EFHB: variants seen among roughly 807,000 people sequenced by gnomAD.
The protein encoded by EFHB is EF-hand domain-containing family member B.
In EFHB, 91 loss-of-function variants were observed where a neutral mutation model predicts 87.2. The ratio of observed to expected loss-of-function variants is 1.04; its 90% CI spans 0.88 to 1.24. EFHB has a LOEUF of 1.24. EFHB is among the 50% of genes most tolerant of loss of function. EFHB has a pLI of 0.00. For missense variants in EFHB, 1,084 were observed against 998.8 expected (o/e 1.09, Z -1.15); for synonymous variants, 325 against 333.6 (o/e 0.97, Z 0.28).
At chr3:19,900,321 C>T (rs1694629321) in intron 6 of EFHB, among the ~76,000 whole-genome samples, 1 of 151,952 alleles carries the variant, frequency 6.6e-6, no homozygotes, top group Non-Finnish European at 1.5e-5. Flanking sequence ...AAACAAATAA[C>T]TCACATCTAG....
At chr3:19,937,985 C>A (rs1696061682), upstream of EFHB, among the ~76,000 whole-genome samples, 1 of 152,144 alleles carries the variant, frequency 6.6e-6, no homozygotes, top group African/African-American at 2.4e-5. Flanking sequence ...TATGCTTTGA[C>A]CCAAAAAGAC....
intron 1 of EFHB, among the ~76,000 whole-genome samples, chr3:19,927,474 T>C (rs947932193): frequency 6.6e-6 from 1 of 152,312 alleles, no homozygotes; most frequent in Non-Finnish European, 1.5e-5. Flanking sequence ...AGAACTTGCC[T>C]GATGGGTCTC....
At chr3:19,921,585 TG>T (rs755448715) in intron 1 of EFHB, among the ~76,000 whole-genome samples, 1 of 151,818 alleles carries the variant, frequency 6.6e-6, no homozygotes, top group Non-Finnish European at 1.5e-5. Flanking sequence ...GGTGAGAGGC[TG>T]GGGGGGCCAA....
chr3:19,924,555 T>A (rs1401993764), intron 1 of EFHB, among the ~76,000 whole-genome samples: 1 of 152,220 alleles, frequency 6.6e-6, no homozygotes, highest in Non-Finnish European at 1.5e-5. Flanking sequence ...TACATCCCTA[T>A]GTACTCGTGG....
chr3:19,897,198 G>T (rs997424892), intron 8 of EFHB, among the ~76,000 whole-genome samples: 5 of 152,218 alleles, frequency 3.3e-5, no homozygotes, highest in Non-Finnish European at 5.9e-5. Context: ...CTGAAAGCTA[G>T]GGCTGATTCC....
upstream of EFHB, among the ~76,000 whole-genome samples, chr3:19,935,032 T>G (rs943221233): frequency 6.6e-6 from 1 of 152,092 alleles, no homozygotes; most frequent in African/African-American, 2.4e-5. Flanking sequence ...TGCCTCAGCC[T>G]TCCGGGTAGC....
At position 19,934,087 on chromosome 3, in the gene EFHB, C is replaced by A. The variant is rs893027442; in HGVS notation, c.-69G>T. 6.6e-7 allele frequency: 1 copy of A among 1,508,852 alleles called. No homozygotes were observed. Among genetic ancestry groups the A allele is most frequent in the Non-Finnish European group, 8.8e-7 (1 of 1,131,638 alleles). The allele number at this position is 1,508,852 out of a possible 1,614,324, so 93.5% of individuals were successfully genotyped here. A position where few individuals can be genotyped will look rare whatever the true frequency, so the allele number is the denominator to read the frequency against. On this transcript the variant is annotated 5_prime_UTR_variant, in exon 1 of 13. Transcript: ENST00000295824. ...CTAAGGGGAAAGCTGTACCTGGCTACAAAGACGCCTCCAATCCCTTGCGGA... is the reference window on the plus strand; with the variant it reads ...CTAAGGGGAAAGCTGTACCTGGCTAAAAAGACGCCTCCAATCCCTTGCGGA...
intron 5 of EFHB, among the ~76,000 whole-genome samples, chr3:19,908,571 AGAG>A (rs1559459486): frequency 1.5e-4 from 13 of 86,920 alleles, no homozygotes; most frequent in African/African-American, 5.2e-4. Flanking sequence ...AAAGAGAGAG[AGAG>A]AGAGAGAGAG....
In EFHB at chr3:19,933,383, C is replaced by T; in HGVS notation, c.636G>A (p.Met212Ile). 1 of 1,613,968 alleles carries T rather than the reference C, an allele frequency of 6.2e-7. No homozygotes were observed. Among genetic ancestry groups the T allele is most frequent in the South Asian group, 1.1e-5 (1 of 91,088 alleles). ...ATTGGGGAGGTTCTATCACCAAGCC[C>T]ATTTGGGGCTCTGTATTCTTAGTCT... ...PDETKNTEPQ[M>I]GLVIEPPQCQ... is the part of the protein sequence containing the mutation. The change falls in exon 1 of 13, where the codon ATG becomes ATA. Residue 212 changes from methionine to isoleucine, a missense_variant. Physicochemically the swap from Met to Ile is conservative, Grantham distance 10 (BLOSUM62 1). Coordinates refer to ENST00000295824, the MANE Select transcript of EFHB (RefSeq NM_144715.4).
intron 1 of EFHB, among the ~76,000 whole-genome samples, chr3:19,929,478 G>T (rs1195470948): frequency 1.3e-5 from 2 of 151,794 alleles, no homozygotes; most frequent in African/African-American, 2.4e-5. Flanking sequence ...GGCTGAGGTG[G>T]GTGTATCACG....
intron 1 of EFHB, among the ~76,000 whole-genome samples, chr3:19,921,541 G>A (rs1016619125): frequency 3.9e-5 from 6 of 152,126 alleles, no homozygotes; most frequent in South Asian, 2.1e-4. Flanking sequence ...CAAATAAATT[G>A]AGAAAGTGTG....
chr3:19,915,197 T>C (rs1425152762), intron 5 of EFHB, 106 bp downstream of exon 5: 8 of 664,152 alleles, frequency 1.2e-5, no homozygotes, highest in Admixed American at 8.6e-5. Flanking sequence ...ATTAGTTACC[T>C]ATTACATGGC....
chr3:19,894,168 A>G (rs1694396241), intron 9 of EFHB, among the ~76,000 whole-genome samples: 1 of 152,230 alleles, frequency 6.6e-6, no homozygotes, highest in African/African-American at 2.4e-5. Flanking sequence ...GTGTTGTGTT[A>G]CATATGTTCA....
Position 19,933,116 on chromosome 3 carries a change from T to G in EFHB, c.789+114A>C, listed in dbSNP as rs1575050776. On this transcript the variant is annotated intron_variant, in intron 1 of 12. Coordinates refer to ENST00000295824, the MANE Select transcript of EFHB (RefSeq NM_144715.4). Reference sequence around the variant, plus strand: ...TGGGGCAAGAAATATAGGAATCTCATAAAATCCTTGTGATTTGTCTCTTCA... The same window carrying G: ...TGGGGCAAGAAATATAGGAATCTCAGAAAATCCTTGTGATTTGTCTCTTCA... 5 of 1,304,630 alleles carry G rather than the reference T, an allele frequency of 3.8e-6. No individual in the cohort carries two copies. The East Asian group carries it at 1.3e-4, about 33-fold the overall frequency. 80.8% of individuals were successfully genotyped at this position (1,304,630 alleles called of 1,614,324 possible). A position where few individuals can be genotyped will look rare whatever the true frequency, so the allele number is the denominator to read the frequency against.
chr3:19,888,642 C>T lies in EFHB; in HGVS notation c.1735G>A (p.Gly579Arg), dbSNP rs1175599958. The change falls in exon 10 of 13, where the codon GGG becomes AGG. Residue 579 changes from glycine to arginine, a missense_variant. By Grantham distance (125) the Gly-to-Arg change is moderately radical. Transcript: ENST00000295824. The part of the protein sequence containing the change: ...AFRHYDKKGD[G>R]MIDKDELQEA... ...TGCAGCTCGTCTTTATCTATCATCC[C>T]ATCTCCCTTCTGTTATACAGGAAGC... 1.2e-6 allele frequency: 2 copies of T among 1,603,944 alleles called. No individual in the cohort carries two copies. The highest frequency in any genetic ancestry group is 1.7e-5 in the Admixed American group (1 of 58,870).
At chr3:19,936,170 G>T (rs1696014167), upstream of EFHB, 1 of 1,334,282 alleles carries the variant, frequency 7.5e-7, no homozygotes, top group Non-Finnish European at 1.0e-6. Context: ...GGAAGCCAAG[G>T]CAGAAGAATT....
upstream of EFHB, among the ~76,000 whole-genome samples, chr3:19,936,589 C>T (rs1357842260): frequency 6.6e-6 from 1 of 151,930 alleles, no homozygotes; most frequent in African/African-American, 2.4e-5. Context: ...AAAATAAGGC[C>T]AGGCGCAGTG....
Position 19,884,632 on chromosome 3 carries a change from T to A in EFHB, c.1934-17A>T, listed in dbSNP as rs1348463194. On this transcript the variant is annotated splice_polypyrimidine_tract_variant and intron_variant, in intron 10 of 12. Transcript: ENST00000295824. Reference sequence around the variant, plus strand: ...GTTTTCTACCTTTAAGGAAAATAAATGAAAGAAAAAATGCAGGAATACATT... The same window carrying A: ...GTTTTCTACCTTTAAGGAAAATAAAAGAAAGAAAAAATGCAGGAATACATT... 9 of 1,604,376 alleles carry A rather than the reference T, an allele frequency of 5.6e-6. No homozygotes were observed. The Admixed American group carries it at 1.0e-4, about 19-fold the overall frequency.
intron 1 of EFHB, among the ~76,000 whole-genome samples, chr3:19,943,611 T>C (rs183931477): frequency 2.0e-5 from 3 of 152,320 alleles, no homozygotes; most frequent in African/African-American, 7.2e-5. Flanking sequence ...TATTTACATA[T>C]CATTTACATT....
Sources: gnomAD v4.1 joint callset for allele counts (sites outside exome capture counted in the v4.1 genomes callset) on GRCh38, gnomAD v4.1.1 for gene constraint, MANE v1.5 for transcripts, NCBI Gene and HGNC (gene_info 2026-07-23, HGNC 2026-07-21) for gene names.